JPH3: variants seen among roughly 807,000 people sequenced by gnomAD.
JPH3 encodes the protein junctophilin 3, also known as junctophilin-3.
Under a neutral mutation model 59.6 loss-of-function variants are expected in JPH3, and 11 were observed. That is an observed-to-expected ratio of 0.18 (90% CI 0.12 to 0.31). JPH3 has a LOEUF of 0.31. Among genes scored for constraint, JPH3 ranks in the 10% least tolerant of loss-of-function variants. The pLI, the probability that JPH3 is intolerant of heterozygous loss-of-function variation, is 1.00. For missense variants in JPH3, 1,202 were observed against 1,105.7 expected, an observed-to-expected ratio of 1.09 and a Z score of -1.24; for synonymous variants, 673 against 483.6, an observed-to-expected ratio of 1.39 and a Z score of -5.14.
Position 87,690,537 on chromosome 16 carries a change from G to A in JPH3, c.2166+11G>A, listed in dbSNP as rs369253215. On this transcript the variant is annotated intron_variant, in intron 4 of 4. Coordinates refer to ENST00000284262, the MANE Select transcript of JPH3 (RefSeq NM_020655.4). ...CTCAAGTCCAGTACGGTGAGTGGGCGGCCACCAGGCTGGTCCCAGTGGAGG... is the reference window on the plus strand; with the variant it reads ...CTCAAGTCCAGTACGGTGAGTGGGCAGCCACCAGGCTGGTCCCAGTGGAGG... 9 of 1,458,440 alleles carry A rather than the reference G, an allele frequency of 6.2e-6. No individual in the cohort carries two copies. Among genetic ancestry groups the A allele is most frequent in the South Asian group, 6.0e-5 (4 of 66,492 alleles). 90.3% of individuals were successfully genotyped at this position (1,458,440 alleles called of 1,614,324 possible). A position where few individuals can be genotyped will look rare whatever the true frequency, so the allele number is the denominator to read the frequency against.
chr16:87,642,696 T>G (rs1179491886), intron 1 of JPH3, among the ~76,000 whole-genome samples: 1 of 152,168 alleles, frequency 6.6e-6, no homozygotes, highest in Non-Finnish European at 1.5e-5. Context: ...AAATGAGGCT[T>G]GAGGTTTGCC....
At chr16:87,677,225 CA>C (rs59575544) in intron 2 of JPH3, among the ~76,000 whole-genome samples, 55 of 81,724 alleles carry the variant, frequency 6.7e-4, no homozygotes, top group Middle Eastern at 7.4e-3. Flanking sequence ...CACACACACA[CA>C]AAAAAAAAAA....
intron 2 of JPH3, among the ~76,000 whole-genome samples, chr16:87,653,051 C>T (rs2150852057): frequency 6.6e-6 from 1 of 152,004 alleles, no homozygotes; most frequent in Middle Eastern, 3.4e-3. Context: ...GCGTGGTCTC[C>T]AAGCCAGTCA....
At chr16:87,637,826 G>C (rs932105066) in intron 1 of JPH3, among the ~76,000 whole-genome samples, 2 of 152,128 alleles carry the variant, frequency 1.3e-5, no homozygotes, top group Non-Finnish European at 2.9e-5. Flanking sequence ...TTCCCATGCC[G>C]AGCTCCAGTT....
chr16:87,612,861 AC>A (rs1415949365), intron 1 of JPH3, among the ~76,000 whole-genome samples: 2 of 151,694 alleles, frequency 1.3e-5, no homozygotes, highest in African/African-American at 4.8e-5. Context: ...TACTAAAAAT[AC>A]AAAAAAAATA....
chr16:87,643,494 T>G (rs942408920), intron 1 of JPH3, among the ~76,000 whole-genome samples: 1 of 152,204 alleles, frequency 6.6e-6, no homozygotes, highest in Admixed American at 6.5e-5. Flanking sequence ...CTGTGTGGTC[T>G]TCCTGGATAC....
At chr16:87,665,629 T>C (rs575698793) in intron 2 of JPH3, among the ~76,000 whole-genome samples, 1 of 152,290 alleles carries the variant, frequency 6.6e-6, no homozygotes, top group South Asian at 2.1e-4. Flanking sequence ...CTGGCCTCAC[T>C]TGCAGGTGAG....
intron 2 of JPH3, among the ~76,000 whole-genome samples, chr16:87,659,380 AAAAAAAG>A (rs1173157604): frequency 3.0e-5 from 4 of 135,074 alleles, no homozygotes; most frequent in Non-Finnish European, 3.2e-5. Flanking sequence ...GTCTCAAAAA[AAAAAAAG>A]AAAAAAAAAA....
intron 1 of JPH3, among the ~76,000 whole-genome samples, chr16:87,636,423 G>C (rs969122899): frequency 6.6e-6 from 1 of 152,212 alleles, no homozygotes; most frequent in African/African-American, 2.4e-5. Context: ...AGGCGTGTGC[G>C]CTCAATAGCT....
chr16:87,628,884 C>T (rs543090698), intron 1 of JPH3, among the ~76,000 whole-genome samples: 5 of 152,232 alleles, frequency 3.3e-5, no homozygotes, highest in African/African-American at 1.2e-4. Context: ...AGTCACTGTG[C>T]TCCCAGTGGA....
chr16:87,663,651 C>A (rs1023647104), intron 2 of JPH3, among the ~76,000 whole-genome samples: 1 of 152,164 alleles, frequency 6.6e-6, no homozygotes, highest in Non-Finnish European at 1.5e-5. Context: ...CCTCACACAG[C>A]CCCAGCCGCC....
intron 2 of JPH3, among the ~76,000 whole-genome samples, chr16:87,651,189 A>G (rs1037688584): frequency 1.3e-5 from 2 of 152,256 alleles, no homozygotes; most frequent in Admixed American, 6.5e-5. Context: ...CATGGTTTCC[A>G]GAATAGTTTT....
intron 1 of JPH3, among the ~76,000 whole-genome samples, chr16:87,637,927 T>C (rs528887930): frequency 4.6e-4 from 70 of 152,278 alleles, no homozygotes; most frequent in African/African-American, 1.6e-3. Flanking sequence ...AAAAAAAATT[T>C]TTTTTTGAGA....
At chr16:87,665,485 G>A (rs1597275695) in intron 2 of JPH3, among the ~76,000 whole-genome samples, 1 of 152,202 alleles carries the variant, frequency 6.6e-6, no homozygotes, top group South Asian at 2.1e-4. Flanking sequence ...TCTGGGACCC[G>A]AGCTCTGAGG....
intron 4 of JPH3, among the ~76,000 whole-genome samples, chr16:87,690,782 TG>T (rs2142837043): frequency 1.3e-5 from 2 of 152,312 alleles, no homozygotes; most frequent in African/African-American, 4.8e-5. Context: ...ACGAAACTCC[TG>T]GTTTCCAGGC....
chr16:87,654,982 C>T (rs937094881), intron 2 of JPH3: 3 of 152,264 alleles, frequency 2.0e-5, no homozygotes, highest in Non-Finnish European at 2.9e-5. Context: ...CAAACCAGCT[C>T]CTCTTTGTTG....
intron 1 of JPH3, among the ~76,000 whole-genome samples, chr16:87,641,552 C>T (rs141808776): frequency 2.1e-4 from 32 of 152,332 alleles, no homozygotes; most frequent in Middle Eastern, 3.4e-3. Flanking sequence ...TCTGCTGCCA[C>T]GTCCTTCTTC....
chr16:87,681,895 C>G (rs1379451308), intron 2 of JPH3, among the ~76,000 whole-genome samples: 5 of 152,176 alleles, frequency 3.3e-5, no homozygotes, highest in Non-Finnish European at 7.3e-5. Context: ...GATTCTCTGT[C>G]CAGGGCTAGC....
chr16:87,643,952 C>G (rs914341569), intron 1 of JPH3, among the ~76,000 whole-genome samples: 2 of 152,186 alleles, frequency 1.3e-5, no homozygotes, highest in Non-Finnish European at 2.9e-5. Flanking sequence ...GCCTGGCCAA[C>G]ATAATGAGAC....
Sources: allele counts gnomAD v4.1 joint callset (sites outside exome capture counted in the v4.1 genomes callset), GRCh38; gene constraint gnomAD v4.1.1; transcripts MANE v1.5; gene names NCBI Gene and HGNC (gene_info 2026-07-23, HGNC 2026-07-21).